FOXP4: variants seen among roughly 807,000 people sequenced by gnomAD.
FOXP4 encodes the protein forkhead box protein P4.
FOXP4 carries 25 observed loss-of-function variants against 82.6 expected under a neutral mutation model. The observed-to-expected ratio is 0.30, with a 90% CI of 0.22 to 0.42. FOXP4 has a LOEUF of 0.42. FOXP4 is among the 10% of genes least tolerant of loss of function. FOXP4 has a pLI of 1.00. For missense variants in FOXP4, 785 were observed against 900.9 expected, an observed-to-expected ratio of 0.87 and a Z score of 1.65; for synonymous variants, 415 against 388.2, an observed-to-expected ratio of 1.07 and a Z score of -0.81.
chr6:41,564,542 C>T (rs1764767604), intron 1 of FOXP4, among the ~76,000 whole-genome samples: 1 of 152,200 alleles, frequency 6.6e-6, no homozygotes, highest in South Asian at 2.1e-4. Flanking sequence ...CAAACACATA[C>T]CCTCTCTTTC....
intron 2 of FOXP4, among the ~76,000 whole-genome samples, chr6:41,572,401 G>A (rs1055083228): frequency 6.6e-6 from 1 of 152,172 alleles, no homozygotes; most frequent in African/African-American, 2.4e-5. Context: ...ATTAGAACGT[G>A]AGCCCCGTTA....
intron 2 of FOXP4, among the ~76,000 whole-genome samples, chr6:41,567,399 G>A (rs1581727357): frequency 6.6e-6 from 1 of 152,204 alleles, no homozygotes; most frequent in South Asian, 2.1e-4. Context: ...GAGTTTGCTG[G>A]CATCTCCCAA....
At chr6:41,585,220 G>T (rs1453968478) in intron 4 of FOXP4, among the ~76,000 whole-genome samples, 1 of 152,160 alleles carries the variant, frequency 6.6e-6, no homozygotes, top group Admixed American at 6.5e-5. Flanking sequence ...AGCAGGGAGG[G>T]TTCAGAGCTG....
intron 1 of FOXP4, among the ~76,000 whole-genome samples, chr6:41,555,907 T>C (rs578041196): frequency 6.6e-6 from 1 of 152,352 alleles, no homozygotes; most frequent in South Asian, 2.1e-4. Flanking sequence ...TTTACTTTCT[T>C]AATGAGATGG....
intron 3 of FOXP4, among the ~76,000 whole-genome samples, chr6:41,580,802 C>G (rs6917029): frequency 0.35 from 53,151 of 152,000 alleles, 9,866 homozygotes; most frequent in African/African-American, 0.47. Flanking sequence ...GGAGATCAAG[C>G]GCAGCTCCTT....
chr6:41,589,044 T>A (rs1460773175), intron 9 of FOXP4, among the ~76,000 whole-genome samples: 1 of 152,212 alleles, frequency 6.6e-6, no homozygotes, highest in Non-Finnish European at 1.5e-5. Context: ...GCTAAATACT[T>A]TATATAGCTC....
intron 14 of FOXP4, among the ~76,000 whole-genome samples, chr6:41,595,235 G>C (rs539349336): frequency 6.6e-6 from 1 of 152,348 alleles, no homozygotes; most frequent in Admixed American, 6.5e-5. Context: ...CTGAGGGAAG[G>C]GGCCAAGAAG....
chr6:41,552,309 A>G (rs1030284325), intron 1 of FOXP4, among the ~76,000 whole-genome samples: 1 of 152,114 alleles, frequency 6.6e-6, no homozygotes, highest in African/African-American at 2.4e-5. Context: ...TTGGGGAGAT[A>G]TGAAACATCA....
chr6:41,560,211 T>A (rs1412237817), intron 1 of FOXP4, among the ~76,000 whole-genome samples: 1 of 151,874 alleles, frequency 6.6e-6, no homozygotes, highest in Non-Finnish European at 1.5e-5. Context: ...GGAGGGAGGA[T>A]CACTTGAGCC....
intron 1 of FOXP4, among the ~76,000 whole-genome samples, chr6:41,565,341 T>C (rs568570833): frequency 6.6e-6 from 1 of 151,972 alleles, no homozygotes; most frequent in African/African-American, 2.4e-5. Context: ...GCCTGGGCAA[T>C]AGAGCGAGAC....
chr6:41,590,409 C>A, intron 12 of FOXP4, 62 bp downstream of exon 12: 2 of 1,548,898 alleles, frequency 1.3e-6, no homozygotes, highest in South Asian at 2.3e-5. Context: ...CCAGCCCCCG[C>A]CACACCCCTG....
At chr6:41,576,215 G>A (rs969655393) in intron 2 of FOXP4, among the ~76,000 whole-genome samples, 24 of 152,162 alleles carry the variant, frequency 1.6e-4, no homozygotes, top group Non-Finnish European at 7.3e-5. Flanking sequence ...TGGGGTGGGG[G>A]TGGCCTGTGA....
At chr6:41,557,780 A>G (rs959191783) in intron 1 of FOXP4, among the ~76,000 whole-genome samples, 3 of 151,092 alleles carry the variant, frequency 2.0e-5, no homozygotes, top group Admixed American at 1.3e-4. Context: ...TGAGTACTCT[A>G]TTTTTTTTTC....
rs1763615359 is a variant in FOXP4 at position 41,546,421 on chromosome 6, A to G, written c.-463A>G. 2 of 150,758 alleles carry G rather than the reference A, an allele frequency of 1.3e-5. No homozygotes were observed. Among genetic ancestry groups the G allele is most frequent in the Non-Finnish European group, 3.0e-5 (2 of 67,324 alleles). 9.3% of individuals were successfully genotyped at this position (150,758 alleles called of 1,614,324 possible). On this transcript the variant is annotated 5_prime_UTR_variant, in exon 1 of 17. Transcript: ENST00000307972. Reference sequence around the variant, plus strand: ...TCAGTCGCAGCCCCTCGGAGTCCGGAGCCCGCCGTCCCTGCGGACCGGACA... The same window carrying G: ...TCAGTCGCAGCCCCTCGGAGTCCGGGGCCCGCCGTCCCTGCGGACCGGACA...
rs1435942076 is a variant in FOXP4 at position 41,590,403 on chromosome 6, C to A, written c.1434+56C>A. The A allele has an allele frequency of 1.3e-4, 200 of 1,557,982 alleles. 1 individual carries two copies. Among genetic ancestry groups the A allele is most frequent in the Non-Finnish European group, 1.7e-4 (196 of 1,140,338 alleles). On this transcript the variant is annotated intron_variant, in intron 12 of 16. Coordinates refer to ENST00000307972, the MANE Select transcript of FOXP4 (RefSeq NM_001012426.2). ...AATGGCACACAGGCTGCTCCCCCAG[C>A]CCCCGCCACACCCCTGCCTCCAGGA...
intron 1 of FOXP4, among the ~76,000 whole-genome samples, chr6:41,560,983 G>A (rs1225152955): frequency 6.6e-6 from 1 of 152,154 alleles, no homozygotes; most frequent in African/African-American, 2.4e-5. Flanking sequence ...CGTCACTTCC[G>A]GCCAGGGAGG....
chr6:41,589,912 G>C lies in FOXP4; in HGVS notation c.1150-51G>C, dbSNP rs780333802. On this transcript the variant is annotated intron_variant, in intron 10 of 16. Transcript: ENST00000307972. ...AGCCTTCCACAGACCCTGGAGCCTC[G>C]GGACCCCCACCCTCGGGCACTGGTC... 3.7e-6 allele frequency: 6 copies of C among 1,609,198 alleles called. No individual in the cohort carries two copies. The Admixed American group carries it at 8.4e-5, about 22-fold the overall frequency.
intron 13 of FOXP4, among the ~76,000 whole-genome samples, chr6:41,594,020 G>A (rs988601763): frequency 6.6e-6 from 1 of 152,178 alleles, no homozygotes; most frequent in Non-Finnish European, 1.5e-5. Flanking sequence ...AGAGGAGGGT[G>A]CAGGGACAGG....
At chr6:41,585,264 C>A (rs532597291) in intron 4 of FOXP4, among the ~76,000 whole-genome samples, 167 bp from the exon 5 acceptor site, 1 of 152,150 alleles carries the variant, frequency 6.6e-6, no homozygotes, top group Admixed American at 6.5e-5. Context: ...TTGCTCCCTC[C>A]CTCCGCACCC....
Sources: gnomAD v4.1 joint callset for allele counts (sites outside exome capture counted in the v4.1 genomes callset) on GRCh38, gnomAD v4.1.1 for gene constraint, MANE v1.5 for transcripts, NCBI Gene and HGNC (gene_info 2026-07-23, HGNC 2026-07-21) for gene names.